TMEM51: variants seen among roughly 807,000 people sequenced by gnomAD.
TMEM51 encodes transmembrane protein 51, also known as chromosome 1 open reading frame 72.
Under a neutral mutation model 13.6 loss-of-function variants are expected in TMEM51, and 8 were observed. That is an observed-to-expected ratio of 0.59 (90% CI 0.35 to 1.07). The LOEUF (loss-of-function observed/expected upper bound fraction) is 1.07. Ranked by LOEUF, TMEM51 falls within the 50% of genes least tolerant of loss-of-function variation. The pLI is 0.02. For synonymous variants in TMEM51, 147 were observed against 144.4 expected, an observed-to-expected ratio of 1.02 and a Z score of -0.13; for missense variants, 279 against 330.7, an observed-to-expected ratio of 0.84 and a Z score of 1.21.
chr1:15,215,509 C>T (rs555501578), intron 3 of TMEM51, 78 bp downstream of exon 3: 370 of 1,325,596 alleles, frequency 2.8e-4, no homozygotes, highest in Non-Finnish European at 3.5e-4. Context: ...CACACCTTTC[C>T]GTGGTGAAAA....
At position 15,214,928 on chromosome 1, in the gene TMEM51, T is replaced by G; in HGVS notation, c.-160T>G. On this transcript the variant is annotated 5_prime_UTR_variant, in exon 3 of 4. Coordinates refer to ENST00000376008, the MANE Select transcript of TMEM51 (RefSeq NM_001136218.2). ...ACCGCAGCCATCCGCACGGGAGGCC[T>G]CGCGATTGCTCGGAACCATCCCGCA... 1.4e-6 allele frequency: 1 copy of G among 702,070 alleles called. No individual in the cohort carries two copies. The highest frequency in any genetic ancestry group is 2.0e-5 in the South Asian group (1 of 50,092). 43.5% of individuals were successfully genotyped at this position (702,070 alleles called of 1,614,324 possible).
At chr1:15,171,955 TTCCAGGCCCCAG>T (rs1183986950) in intron 1 of TMEM51, among the ~76,000 whole-genome samples, 2 of 152,114 alleles carry the variant, frequency 1.3e-5, no homozygotes, top group African/African-American at 4.8e-5. Context: ...AAAAGCAGAT[TTCCAGGCCCCAG>T]CCCAGGCCTG....
intron 3 of TMEM51, among the ~76,000 whole-genome samples, chr1:15,216,883 G>A (rs1644440503): frequency 6.6e-6 from 1 of 152,216 alleles, no homozygotes; most frequent in African/African-American, 2.4e-5. Context: ...GTGGCTGTGG[G>A]ATTGGAGAGG....
At chr1:15,212,260 T>C (rs950589728) in intron 2 of TMEM51, among the ~76,000 whole-genome samples, 130 of 152,212 alleles carry the variant, frequency 8.5e-4, no homozygotes, top group African/African-American at 3.0e-3. Flanking sequence ...TCCCAATACC[T>C]TTCCCCACAC....
intron 1 of TMEM51, among the ~76,000 whole-genome samples, chr1:15,176,539 G>A (rs1643462017): frequency 1.3e-5 from 2 of 152,202 alleles, no homozygotes; most frequent in African/African-American, 4.8e-5. Flanking sequence ...AGAAAGGCAA[G>A]ACACAGAGAG....
intron 2 of TMEM51, among the ~76,000 whole-genome samples, chr1:15,214,102 C>T (rs991196212): frequency 2.6e-5 from 4 of 150,988 alleles, no homozygotes; most frequent in Non-Finnish European, 5.9e-5. Flanking sequence ...CCATCCACCT[C>T]GGCCTCCCCA....
At position 15,214,962 on chromosome 1, in the gene TMEM51, G is replaced by A; in HGVS notation, c.-126G>A. 1 of 935,680 alleles carries A rather than the reference G, an allele frequency of 1.1e-6. No homozygotes were observed. Among genetic ancestry groups the A allele is most frequent in the South Asian group, 1.7e-5 (1 of 58,138 alleles). 58.0% of individuals were successfully genotyped at this position (935,680 alleles called of 1,614,324 possible). A position where few individuals can be genotyped will look rare whatever the true frequency, so the allele number is the denominator to read the frequency against. On this transcript the variant is annotated 5_prime_UTR_variant, in exon 3 of 4. Transcript: ENST00000376008. ...CTCGGAACCATCCCGCAGGAGTTCAGCTGATATTTTCTAGTGTGGGGCGAG... is the reference window on the plus strand; with the variant it reads ...CTCGGAACCATCCCGCAGGAGTTCAACTGATATTTTCTAGTGTGGGGCGAG...
At chr1:15,172,411 A>G (rs927069453) in intron 1 of TMEM51, among the ~76,000 whole-genome samples, 4 of 147,334 alleles carry the variant, frequency 2.7e-5, no homozygotes, top group African/African-American at 1.0e-4. Context: ...AAAAAAAAGG[A>G]AGGAAGGAGG....
chr1:15,190,834 C>T (rs530768838), intron 1 of TMEM51, among the ~76,000 whole-genome samples: 42 of 152,250 alleles, frequency 2.8e-4, no homozygotes, highest in Non-Finnish European at 5.3e-4. Flanking sequence ...GTCGCCCAAG[C>T]TGGAGTGCAG....
chr1:15,164,475 G>A, intron 1 of TMEM51: 1 of 456,124 alleles, frequency 2.2e-6, no homozygotes, highest in Non-Finnish European at 4.4e-6. Context: ...CAAAGGTGAA[G>A]TGTGCTTCTC....
In TMEM51 at chr1:15,160,779, C is replaced by T. The variant is rs546272711; in HGVS notation, c.-267+6825C>T. Among the ~76,000 whole-genome samples the T allele has an allele frequency of 3.8e-4, 57 of 150,136 alleles. 1 individual carries two copies. Among genetic ancestry groups the T allele is most frequent in the African/African-American group, 1.3e-3 (54 of 40,332 alleles). The stretch of plus-strand genomic sequence containing the variant: ...GAAATTGCCTGTAGCTAAACACCGG[C>T]GCCATCACTTTAAACAAATCTCCTG... On this transcript the variant is annotated intron_variant, in intron 1 of 3. Coordinates refer to ENST00000376008, the MANE Select transcript of TMEM51 (RefSeq NM_001136218.2).
At chr1:15,165,412 CT>C (rs1448706709) in intron 1 of TMEM51, among the ~76,000 whole-genome samples, 3 of 152,300 alleles carry the variant, frequency 2.0e-5, no homozygotes, top group African/African-American at 7.2e-5. Context: ...ACAATGCCGT[CT>C]TTCACACAGG....
intron 1 of TMEM51, among the ~76,000 whole-genome samples, chr1:15,167,941 C>T (rs920886925): frequency 1.3e-5 from 2 of 152,270 alleles, no homozygotes; most frequent in South Asian, 4.1e-4. Context: ...AATATATGCA[C>T]ATGGTATAAA....
At chr1:15,159,713 C>T (rs1384940818) in intron 1 of TMEM51, among the ~76,000 whole-genome samples, 3 of 152,218 alleles carry the variant, frequency 2.0e-5, no homozygotes, top group Non-Finnish European at 4.4e-5. Context: ...TGCGCCACCA[C>T]ACCCAGCTAA....
chr1:15,158,768 G>C (rs183191654), intron 1 of TMEM51, among the ~76,000 whole-genome samples: 167 of 152,272 alleles, frequency 1.1e-3, no homozygotes, highest in African/African-American at 3.9e-3. Context: ...GGAAGTACTC[G>C]TATCTTGGGG....
At chr1:15,185,345 G>GT (rs1643743166) in intron 1 of TMEM51, among the ~76,000 whole-genome samples, 1 of 152,024 alleles carries the variant, frequency 6.6e-6, no homozygotes, top group Non-Finnish European at 1.5e-5. Flanking sequence ...TGCTATCCTT[G>GT]TGACCTAGGC....
upstream of TMEM51, chr1:15,152,788 A>C (rs1480160780): frequency 6.6e-6 from 1 of 152,124 alleles, no homozygotes; most frequent in Non-Finnish European, 1.5e-5. Flanking sequence ...GCCGCGGGTG[A>C]GAGGCTTCCG....
intron 1 of TMEM51, among the ~76,000 whole-genome samples, chr1:15,176,791 T>C (rs904490766): frequency 1.3e-5 from 2 of 152,180 alleles, no homozygotes; most frequent in African/African-American, 4.8e-5. Context: ...TGAGGGACAC[T>C]GAAGTTCTGA....
chr1:15,218,360 C>A (rs1004701996), intron 3 of TMEM51, among the ~76,000 whole-genome samples: 9 of 152,136 alleles, frequency 5.9e-5, no homozygotes, highest in Non-Finnish European at 5.9e-5. Flanking sequence ...CCCAGCTGAG[C>A]ATTGGAATAG....
Sources: gnomAD v4.1 joint callset for allele counts (sites outside exome capture counted in the v4.1 genomes callset) on GRCh38, gnomAD v4.1.1 for gene constraint, MANE v1.5 for transcripts, NCBI Gene and HGNC (gene_info 2026-07-23, HGNC 2026-07-21) for gene names.